Variants in ZFYVE16 observed in about 807,000 individuals in gnomAD.
The protein encoded by ZFYVE16 is zinc finger FYVE-type containing 16, also known as zinc finger FYVE domain-containing protein 16.
ZFYVE16 carries 89 observed loss-of-function variants against 138.1 expected under a neutral mutation model. The ratio of observed to expected loss-of-function variants is 0.64; its 90% CI spans 0.54 to 0.77. ZFYVE16 has a LOEUF of 0.77. ZFYVE16 is among the 30% of genes least tolerant of loss of function. The pLI is 0.00. For synonymous variants in ZFYVE16, 596 were observed against 618.3 expected, an observed-to-expected ratio of 0.96 and a Z score of 0.53; for missense variants, 1,793 against 1,786.7, an observed-to-expected ratio of 1.00 and a Z score of -0.06.
intron 15 of ZFYVE16, among the ~76,000 whole-genome samples, chr5:80,471,839 A>G (rs1035770298): frequency 3.3e-5 from 5 of 151,998 alleles, no homozygotes; most frequent in Admixed American, 1.3e-4. Context: ...TTGATTTTTC[A>G]CTTTCTTAAG....
intron 15 of ZFYVE16, among the ~76,000 whole-genome samples, chr5:80,467,035 A>G (rs777054531): frequency 6.6e-6 from 1 of 152,126 alleles, no homozygotes; most frequent in South Asian, 2.1e-4. Context: ...AGTTGTCATT[A>G]TTTGACTTCT....
chr5:80,437,093 A>G lies in ZFYVE16; in HGVS notation c.408A>G (p.Leu136=). ...ATCTGATAAGTGACATGGGTAACTT[A>G]GTTCATGCAACCAATAGTGAAGAAG... The part of the protein sequence containing the change: ...ICDLISDMGN[L]VHATNSEEDI... Residue 136 remains leucine, a synonymous_variant, in exon 4 of 19, where the codon TTA becomes TTG. Coordinates refer to ENST00000505560, the MANE Select transcript of ZFYVE16 (RefSeq NM_001284236.3). 1.2e-6 allele frequency: 2 copies of G among 1,614,142 alleles called. No individual in the cohort carries two copies. Among genetic ancestry groups the G allele is most frequent in the Non-Finnish European group, 1.7e-6 (2 of 1,179,996 alleles).
chr5:80,461,423 C>T (rs1239783871), intron 15 of ZFYVE16, among the ~76,000 whole-genome samples: 4 of 152,136 alleles, frequency 2.6e-5, no homozygotes, highest in Non-Finnish European at 5.9e-5. Flanking sequence ...ATAATTATGT[C>T]TACTCTTTTA....
chr5:80,454,343 C>T (rs1023691649), intron 11 of ZFYVE16: 9 of 152,150 alleles, frequency 5.9e-5, no homozygotes, highest in African/African-American at 2.2e-4. Flanking sequence ...TAGAAATAGT[C>T]TTGCCTTCCT....
intron 6 of ZFYVE16, among the ~76,000 whole-genome samples, chr5:80,443,525 G>A (rs1750955370): frequency 6.6e-6 from 1 of 152,220 alleles, no homozygotes; most frequent in Non-Finnish European, 1.5e-5. Context: ...GGCTACAAAA[G>A]GGGAGAGGCT....
chr5:80,442,790 C>G (rs966501798), intron 5 of ZFYVE16, among the ~76,000 whole-genome samples: 1 of 152,202 alleles, frequency 6.6e-6, no homozygotes, highest in East Asian at 1.9e-4. Context: ...CTAAAAGAAT[C>G]TCTCTAAACT....
intron 11 of ZFYVE16, chr5:80,451,933 ACTTTT>A: frequency 2.2e-6 from 1 of 459,662 alleles, no homozygotes; most frequent in Non-Finnish European, 3.8e-6. Flanking sequence ...ATTACCTAAA[ACTTTT>A]CTTCTTAAAT....
intron 5 of ZFYVE16, chr5:80,441,589 A>G: frequency 3.0e-6 from 3 of 985,392 alleles, no homozygotes; most frequent in Non-Finnish European, 1.2e-6. Flanking sequence ...GTTGTGAGAC[A>G]TATGCCATGA....
intron 1 of ZFYVE16, among the ~76,000 whole-genome samples, chr5:80,424,706 C>G (rs1338787484): frequency 6.6e-6 from 1 of 152,220 alleles, no homozygotes; most frequent in Non-Finnish European, 1.5e-5. Context: ...AAGCAGTTCA[C>G]CTGCCTTGGC....
intron 1 of ZFYVE16, among the ~76,000 whole-genome samples, chr5:80,427,100 T>C (rs1748195974): frequency 6.6e-6 from 1 of 151,792 alleles, no homozygotes; most frequent in African/African-American, 2.4e-5. Context: ...CCCAGGCAGG[T>C]CTCGAACTCC....
In ZFYVE16 at chr5:80,437,971, A is replaced by G; in HGVS notation, c.1286A>G (p.Lys429Arg). ...NSVVLGGEPF[K>R]ENDLLKQEKC... ...GTTGTTCTAGGTGGGGAACCATTCA[A>G]AGAGAATGATCTTTTGAAACAGGAA... is the stretch of plus-strand genomic sequence containing the variant. Residue 429 changes from lysine (K) to arginine (R), a missense_variant, in exon 4 of 19, where the codon AAA becomes AGA. Lys to Arg is a conservative substitution (Grantham distance 26, BLOSUM62 2). Transcript: ENST00000505560. 1.2e-6 allele frequency: 2 copies of G among 1,614,024 alleles called. No homozygotes were observed. The highest frequency in any genetic ancestry group is 8.5e-7 in the Non-Finnish European group (1 of 1,179,962).
chr5:80,410,359 C>T (rs974923966), intron 1 of ZFYVE16: 2 of 151,904 alleles, frequency 1.3e-5, no homozygotes, highest in Non-Finnish European at 2.9e-5. Context: ...TTACCAACAT[C>T]GAGTACTTTT....
intron 7 of ZFYVE16, 76 bp downstream of exon 7, chr5:80,445,481 A>C: frequency 7.9e-7 from 1 of 1,269,346 alleles, no homozygotes; most frequent in Non-Finnish European, 1.1e-6. Context: ...TGATTATTAG[A>C]GTGCTTTTTT....
At chr5:80,449,786 A>AT (rs1288315278) in intron 9 of ZFYVE16, 73 bp downstream of exon 9, 10 of 1,432,458 alleles carry the variant, frequency 7.0e-6, no homozygotes, top group Non-Finnish European at 9.4e-6. Flanking sequence ...TTCAGGTTAG[A>AT]TTTTGACTGG....
intron 7 of ZFYVE16, among the ~76,000 whole-genome samples, chr5:80,447,241 T>C (rs1007888590): frequency 8.9e-5 from 11 of 123,542 alleles, no homozygotes; most frequent in African/African-American, 3.5e-4. Context: ...TACTGCAGCC[T>C]GGACAACAGG....
At chr5:80,411,560 C>A (rs1484113942) in intron 1 of ZFYVE16, 2 of 152,070 alleles carry the variant, frequency 1.3e-5, no homozygotes, top group Non-Finnish European at 2.9e-5. Context: ...AAAGTTTTAT[C>A]CTGAGTGGTT....
chr5:80,462,310 T>C (rs1328255932), intron 15 of ZFYVE16, among the ~76,000 whole-genome samples: 1 of 152,150 alleles, frequency 6.6e-6, no homozygotes, highest in African/African-American at 2.4e-5. Flanking sequence ...AGGAAACTTA[T>C]ACAGTCATGG....
intron 3 of ZFYVE16, among the ~76,000 whole-genome samples, chr5:80,435,449 G>T (rs1449923917): frequency 6.6e-6 from 1 of 152,208 alleles, no homozygotes; most frequent in Admixed American, 6.5e-5. Flanking sequence ...GATGATAGGC[G>T]TGAGCCACCA....
chr5:80,419,051 A>G (rs1401561283), intron 1 of ZFYVE16, among the ~76,000 whole-genome samples: 1 of 150,518 alleles, frequency 6.6e-6, no homozygotes, highest in Non-Finnish European at 1.5e-5. Context: ...CTCCTTTGTC[A>G]AAGATCGGTG....
Sources: gnomAD v4.1 joint callset for allele counts (sites outside exome capture counted in the v4.1 genomes callset) on GRCh38, gnomAD v4.1.1 for gene constraint, MANE v1.5 for transcripts, NCBI Gene and HGNC (gene_info 2026-07-23, HGNC 2026-07-21) for gene names.